Variants in CNTN5 observed in about 807,000 individuals in gnomAD.
CNTN5 encodes contactin-5.
Under a neutral mutation model 129.1 loss-of-function variants are expected in CNTN5, and 77 were observed. The ratio of observed to expected loss-of-function variants is 0.60; its 90% CI spans 0.50 to 0.72. The LOEUF is 0.72. CNTN5 is among the 30% of genes least tolerant of loss of function. CNTN5 has a pLI of 0.00. For synonymous variants in CNTN5, 509 were observed against 465.6 expected (o/e 1.09, Z -1.20); for missense variants, 1,478 against 1,328.8 (o/e 1.11, Z -1.75).
intron 6 of CNTN5, among the ~76,000 whole-genome samples, chr11:99,873,604 C>A (rs1948559220): frequency 6.6e-6 from 1 of 152,118 alleles, no homozygotes; most frequent in South Asian, 2.1e-4. Flanking sequence ...AACACTCATA[C>A]ACTGTTGGTA....
At chr11:99,634,411 T>C (rs1311131295) in intron 3 of CNTN5, among the ~76,000 whole-genome samples, 1 of 152,166 alleles carries the variant, frequency 6.6e-6, no homozygotes, top group Non-Finnish European at 1.5e-5. Flanking sequence ...CTGAAGGTGT[T>C]TGATTATTGC....
At chr11:99,721,440 T>A (rs1375649887) in intron 3 of CNTN5, among the ~76,000 whole-genome samples, 1 of 152,100 alleles carries the variant, frequency 6.6e-6, no homozygotes, top group East Asian at 1.9e-4. Context: ...ATGCAGAAGA[T>A]GGAAGCTGGA....
intron 8 of CNTN5, among the ~76,000 whole-genome samples, chr11:99,959,612 G>A (rs1430879103): frequency 6.6e-6 from 1 of 152,120 alleles, no homozygotes; most frequent in Non-Finnish European, 1.5e-5. Context: ...TGGTCATTAT[G>A]TTAATTGAAC....
chr11:99,393,119 A>G (rs1295937266), intron 2 of CNTN5, among the ~76,000 whole-genome samples: 1 of 151,856 alleles, frequency 6.6e-6, no homozygotes, highest in African/African-American at 2.4e-5. Flanking sequence ...AATAAGTAAC[A>G]TGAGGCTAAA....
chr11:99,493,462 G>A (rs1946111599), intron 2 of CNTN5, among the ~76,000 whole-genome samples: 3 of 152,076 alleles, frequency 2.0e-5, no homozygotes, highest in Admixed American at 2.0e-4. Context: ...TATACCTTTT[G>A]CCATAATGAG....
At chr11:99,758,793 AG>A (rs760475103) in intron 3 of CNTN5, among the ~76,000 whole-genome samples, 2 of 152,238 alleles carry the variant, frequency 1.3e-5, no homozygotes, top group South Asian at 2.1e-4. Flanking sequence ...GAAAATGCAC[AG>A]GAGCAAAAAT....
At chr11:99,843,490 C>A (rs994627277) in intron 4 of CNTN5, among the ~76,000 whole-genome samples, 142 of 152,022 alleles carry the variant, frequency 9.3e-4, no homozygotes, top group African/African-American at 3.3e-3. Context: ...TATTTTTATA[C>A]TTTTTTTCTG....
chr11:99,774,988 G>T (rs1417585355), intron 3 of CNTN5, among the ~76,000 whole-genome samples: 1 of 152,032 alleles, frequency 6.6e-6, no homozygotes, highest in Non-Finnish European at 1.5e-5. Context: ...ACTTTGGTTT[G>T]GTTCAGGTCT....
intron 13 of CNTN5, among the ~76,000 whole-genome samples, chr11:100,185,640 C>G (rs571419593): frequency 6.6e-6 from 1 of 152,294 alleles, no homozygotes; most frequent in East Asian, 1.9e-4. Context: ...CCCTAACCCT[C>G]AATTTAAATG....
At chr11:99,104,113 G>C (rs1049782694) in intron 1 of CNTN5, among the ~76,000 whole-genome samples, 1 of 152,144 alleles carries the variant, frequency 6.6e-6, no homozygotes, top group South Asian at 2.1e-4. Flanking sequence ...CATAGCAAAT[G>C]TTAAGAGAAG....
intron 2 of CNTN5, among the ~76,000 whole-genome samples, chr11:99,410,807 T>C (rs118156330): frequency 3.0e-3 from 460 of 152,352 alleles, no homozygotes; most frequent in Admixed American, 6.0e-3. Context: ...GTGTTCATTA[T>C]AGCTGTTGCT....
At chr11:99,988,117 T>C (rs1938810895) in intron 8 of CNTN5, among the ~76,000 whole-genome samples, 1 of 152,190 alleles carries the variant, frequency 6.6e-6, no homozygotes, top group African/African-American at 2.4e-5. Context: ...CCACAAGAGT[T>C]TGTAAAATGA....
At chr11:99,141,105 G>T (rs1414635990) in intron 1 of CNTN5, among the ~76,000 whole-genome samples, 3 of 152,032 alleles carry the variant, frequency 2.0e-5, no homozygotes, top group South Asian at 2.1e-4. Flanking sequence ...GTAGATTTTG[G>T]CTGTGAATGT....
At chr11:99,847,093 A>G (rs1219727464) in intron 6 of CNTN5, among the ~76,000 whole-genome samples, 1 of 152,238 alleles carries the variant, frequency 6.6e-6, no homozygotes, top group African/African-American at 2.4e-5. Context: ...TACAAATATT[A>G]GTGGCTTATA....
In CNTN5 at chr11:99,556,269, G is replaced by A; in HGVS notation, c.55G>A (p.Glu19Lys). The change falls in exon 3 of 25, where the codon GAG (glutamate) becomes AAG (lysine). Residue 19 changes from glutamate (E) to lysine (K), a missense_variant and splice_region_variant. Transcript: ENST00000524871. ...TCTGTCAGTCACCATGTGTCTTTCA[G>A]GTAAAAGTCCTGATTAATTAATTAT... ...LFLSVTMCLS[E>K]YSKSLPGLST... The A allele has an allele frequency of 6.6e-7, 1 of 1,514,586 alleles. No homozygotes were observed. Among genetic ancestry groups the A allele is most frequent in the Non-Finnish European group, 8.9e-7 (1 of 1,122,452 alleles). The allele number at this position is 1,514,586 out of a possible 1,614,324, so 93.8% of individuals were successfully genotyped here. A position where few individuals can be genotyped will look rare whatever the true frequency, so the allele number is the denominator to read the frequency against.
At chr11:99,461,881 A>G (rs892134398) in intron 2 of CNTN5, among the ~76,000 whole-genome samples, 1 of 152,212 alleles carries the variant, frequency 6.6e-6, no homozygotes, top group Non-Finnish European at 1.5e-5. Flanking sequence ...TGTATTTATC[A>G]TGATCATAAA....
At chr11:99,773,070 T>G (rs908278519) in intron 3 of CNTN5, among the ~76,000 whole-genome samples, 4 of 152,040 alleles carry the variant, frequency 2.6e-5, no homozygotes, top group African/African-American at 9.7e-5. Context: ...ACAACCAGAT[T>G]AGGAAATGGA....
intron 2 of CNTN5, among the ~76,000 whole-genome samples, chr11:99,375,655 T>C (rs1486461287): frequency 6.6e-6 from 1 of 152,184 alleles, no homozygotes; most frequent in Non-Finnish European, 1.5e-5. Context: ...ACTTCCCATG[T>C]ATCTGGAATT....
intron 1 of CNTN5, among the ~76,000 whole-genome samples, chr11:99,232,247 G>A (rs553518704): frequency 6.6e-6 from 1 of 152,250 alleles, no homozygotes; most frequent in South Asian, 2.1e-4. Context: ...GGGCTGTACA[G>A]CCATTTTCAT....
Sources: allele counts gnomAD v4.1 joint callset (sites outside exome capture counted in the v4.1 genomes callset), GRCh38; gene constraint gnomAD v4.1.1; transcripts MANE v1.5; gene names NCBI Gene and HGNC (gene_info 2026-07-23, HGNC 2026-07-21).